The following TTF1 variants were observed in gnomAD, a reference collection of about 807,000 sequenced individuals.
The protein encoded by TTF1 is transcription termination factor, RNA polymerase I.
Under a neutral mutation model 80.2 loss-of-function variants are expected in TTF1, and 64 were observed. The observed-to-expected ratio is 0.80, with a 90% confidence interval of 0.65 to 0.98. TTF1 has a LOEUF of 0.98. Among genes scored for constraint, TTF1 ranks in the 50% least tolerant of loss-of-function variants. The pLI, the probability that TTF1 is intolerant of heterozygous loss-of-function variation, is 0.00. For missense variants in TTF1, 1,023 were observed against 1,086.2 expected (o/e 0.94, Z 0.82); for synonymous variants, 372 against 382.7 (o/e 0.97, Z 0.33).
At chr9:132,399,263 C>G (rs569015213) in intron 3 of TTF1, among the ~76,000 whole-genome samples, 104 of 143,830 alleles carry the variant, frequency 7.2e-4, no homozygotes, top group South Asian at 3.8e-3. Context: ...AAAATTTCAA[C>G]ACAATACACC....
At chr9:132,383,311 A>G (rs938230677) in intron 9 of TTF1, among the ~76,000 whole-genome samples, 2 of 151,884 alleles carry the variant, frequency 1.3e-5, no homozygotes, top group African/African-American at 4.8e-5. Flanking sequence ...GGAAAATGCT[A>G]TCAAGGACAT....
At chr9:132,383,005 C>T (rs1424205481) in intron 9 of TTF1, among the ~76,000 whole-genome samples, 1 of 151,236 alleles carries the variant, frequency 6.6e-6, no homozygotes, top group African/African-American at 2.4e-5. Flanking sequence ...GTGGAGGTTG[C>T]AGGGAACCGA....
At position 132,384,514 on chromosome 9, in the gene TTF1, T is replaced by C. The variant is rs111884113; in HGVS notation, c.2378+2042A>G. Among the ~76,000 whole-genome samples the C allele has an allele frequency of 5.2e-4, 79 of 152,314 alleles. No individual in the cohort carries two copies. The highest frequency in any genetic ancestry group is 1.9e-3 in the African/African-American group (78 of 41,574). On this transcript the variant is annotated intron_variant, in intron 9 of 10. Coordinates refer to ENST00000334270, the MANE Select transcript of TTF1 (RefSeq NM_007344.4). This position sits in a 1 kb window ranked among gnomAD's most constrained non-coding sequence, Gnocchi z 4.1. Reference sequence around the variant, plus strand: ...GAGAGTAGGTATAAATAGCCAACATTAGCCATCAGAACATCACTCAGATCC... The same window carrying C: ...GAGAGTAGGTATAAATAGCCAACATCAGCCATCAGAACATCACTCAGATCC...
intron 7 of TTF1, 112 bp from the exon 8 acceptor site, chr9:132,388,340 TTC>T: frequency 1.4e-6 from 1 of 702,512 alleles, no homozygotes; most frequent in Non-Finnish European, 2.2e-6. Context: ...CTTCTAACTT[TTC>T]TTTTTTTTTT....
chr9:132,388,846 A>G (rs913119833), intron 7 of TTF1, among the ~76,000 whole-genome samples: 1 of 152,244 alleles, frequency 6.6e-6, no homozygotes, highest in African/African-American at 2.4e-5. Flanking sequence ...CTTATCTTGA[A>G]TAGCAAAATT....
rs1849169689 is a variant in TTF1, at chr9:132,376,005, G to T, written c.2628C>A (p.Asp876Glu). 6.2e-7 allele frequency: 1 copy of T among 1,614,002 alleles called. No homozygotes were observed. Among genetic ancestry groups the T allele is most frequent in the Non-Finnish European group, 8.5e-7 (1 of 1,180,040 alleles). The change falls in exon 11 of 11, where the codon GAC becomes GAA. Residue 876 changes from aspartate (D) to glutamate (E), a missense_variant. Coordinates refer to ENST00000334270, the MANE Select transcript of TTF1 (RefSeq NM_007344.4). Reference sequence around the variant, plus strand: ...CCTGGCCTTCGCTTTCTTTTTCTATGTCCTCTCCTTCACTATCGTCTTCAT... The same window carrying T: ...CCTGGCCTTCGCTTTCTTTTTCTATTTCCTCTCCTTCACTATCGTCTTCAT... ...FYYEDDSEGE[D>E]IEKESEGQAP...
chr9:132,403,894 C>T (rs557798747), intron 1 of TTF1, among the ~76,000 whole-genome samples: 6 of 152,232 alleles, frequency 3.9e-5, no homozygotes, highest in South Asian at 4.1e-4. Flanking sequence ...CAACAAAGAG[C>T]GGACGTTCTG....
chr9:132,378,281 A>ATGCATGTGGTGAG (rs1849282724), intron 10 of TTF1, among the ~76,000 whole-genome samples: 1 of 75,986 alleles, frequency 1.3e-5, no homozygotes, highest in African/African-American at 5.5e-5. Flanking sequence ...TGGTGTGTGA[A>ATGCATGTGGTGAG]TGCATGTGGT....
intron 8 of TTF1, among the ~76,000 whole-genome samples, chr9:132,387,673 T>C (rs554703404): frequency 6.6e-6 from 1 of 152,238 alleles, no homozygotes; most frequent in East Asian, 1.9e-4. Flanking sequence ...GTCTCCCTTT[T>C]CCTCGTCACC....
intron 1 of TTF1, among the ~76,000 whole-genome samples, chr9:132,405,502 C>T (rs981403289): frequency 6.6e-6 from 1 of 152,270 alleles, no homozygotes; most frequent in Non-Finnish European, 1.5e-5. Flanking sequence ...GCCACAGCGC[C>T]CGGCCTTGAT....
At chr9:132,394,790 G>A (rs1849616775) in intron 5 of TTF1, among the ~76,000 whole-genome samples, 1 of 152,114 alleles carries the variant, frequency 6.6e-6, no homozygotes, top group African/African-American at 2.4e-5. Context: ...CCTCTTGGGA[G>A]GCTGAGGCAG....
chr9:132,389,429 C>T (rs1477662278), intron 7 of TTF1, among the ~76,000 whole-genome samples: 1 of 152,004 alleles, frequency 6.6e-6, no homozygotes, highest in Non-Finnish European at 1.5e-5. Flanking sequence ...AATCCACCTG[C>T]CTCAGCCTCC....
At chr9:132,388,098 G>C (rs759709010) in intron 8 of TTF1, 41 bp downstream of exon 8, 7 of 1,496,492 alleles carry the variant, frequency 4.7e-6, no homozygotes, top group Non-Finnish European at 6.5e-6. Flanking sequence ...TTTGGCTAGA[G>C]ACAGAAACAG....
At position 132,402,124 on chromosome 9, in the gene TTF1, G is replaced by A. The variant is rs759210402; in HGVS notation, c.698C>T (p.Thr233Ile). 1.2e-6 allele frequency: 2 copies of A among 1,613,972 alleles called. No homozygotes were observed. Among genetic ancestry groups the A allele is most frequent in the Non-Finnish European group, 1.7e-6 (2 of 1,180,034 alleles). The change falls in exon 2 of 11, where the codon ACA becomes ATA. Residue 233 changes from threonine (T) to isoleucine (I), a missense_variant. By Grantham distance (89) the Thr-to-Ile change is moderately conservative. Coordinates refer to ENST00000334270, the MANE Select transcript of TTF1 (RefSeq NM_007344.4). ...KKKSSNREYE[T>I]LAMPEGSQAG... ...TTGCGATCCTTCAGGCATGGCCAGT[G>A]TCTCATATTCCCGGTTACTGGACTT...
At chr9:132,401,202 G>A (rs963462241) in intron 2 of TTF1, among the ~76,000 whole-genome samples, 2 of 151,894 alleles carry the variant, frequency 1.3e-5, no homozygotes, top group Admixed American at 6.6e-5. Flanking sequence ...GGTGCATGCC[G>A]GTAATCTCAG....
intron 9 of TTF1, among the ~76,000 whole-genome samples, chr9:132,385,496 C>A (rs990723416): frequency 2.6e-5 from 4 of 152,184 alleles, no homozygotes; most frequent in Admixed American, 6.5e-5. Flanking sequence ...TCATTTTACT[C>A]ACTGTTCTGG....
At chr9:132,396,093 G>T (rs146339787) in intron 5 of TTF1, among the ~76,000 whole-genome samples, 1 of 152,330 alleles carries the variant, frequency 6.6e-6, no homozygotes, top group Non-Finnish European at 1.5e-5. Context: ...TGGAACATGT[G>T]TCGAGATGGG....
chr9:132,406,268 A>T (rs1849864448), intron 1 of TTF1, among the ~76,000 whole-genome samples: 1 of 152,008 alleles, frequency 6.6e-6, no homozygotes, highest in Non-Finnish European at 1.5e-5. Flanking sequence ...AGACTGGAGG[A>T]ACTAACCAGA....
At position 132,386,624 on chromosome 9, in the gene TTF1, G is replaced by A. The variant is rs779176727; in HGVS notation, c.2313-3C>T. 2.7e-5 allele frequency: 44 copies of A among 1,607,826 alleles called. No individual in the cohort carries two copies. In the Admixed American group the frequency reaches 7.1e-4, roughly 26 times the overall value. ...CTTCCACATTTATTTCATACAACCT[G>A]TGAGAAAAAATAAAAATTAAATTTT... is the stretch of plus-strand genomic sequence containing the variant. On this transcript the variant is annotated splice_polypyrimidine_tract_variant and splice_region_variant and intron_variant, in intron 8 of 10. Coordinates refer to ENST00000334270, the MANE Select transcript of TTF1 (RefSeq NM_007344.4).
Sources: gnomAD v4.1 joint callset for allele counts (sites outside exome capture counted in the v4.1 genomes callset) on GRCh38, gnomAD v4.1.1 for gene constraint, Gnocchi (gnomAD v3.1) non-coding constraint, MANE v1.5 for transcripts, NCBI Gene and HGNC (gene_info 2026-07-23, HGNC 2026-07-21) for gene names.